MYH3: variants seen among roughly 807,000 people sequenced by gnomAD.
MYH3 encodes myosin heavy chain 3, also known as myosin-3.
MYH3 carries 130 observed loss-of-function variants against 238.0 expected under a neutral mutation model. That is an observed-to-expected ratio of 0.55 (90% CI 0.47 to 0.63). The LOEUF is 0.63. Among genes scored for constraint, MYH3 ranks in the 30% least tolerant of loss-of-function variants. The pLI, the probability that MYH3 is intolerant of heterozygous loss-of-function variation, is 0.00. For missense variants in MYH3, 1,853 were observed against 2,374.9 expected (o/e 0.78, Z 4.57); for synonymous variants, 880 against 924.1 (o/e 0.95, Z 0.86).
chr17:10,669,179 T>C, the MYH3 span, among the ~76,000 whole-genome samples: 1 of 152,146 alleles, frequency 6.6e-6, no homozygotes, highest in Admixed American at 6.6e-5. Flanking sequence ...TCTTTTAGGA[T>C]TACAGGACAA....
chr17:10,636,425 C>A (rs1233931645), intron 28 of MYH3, among the ~76,000 whole-genome samples: 1 of 152,032 alleles, frequency 6.6e-6, no homozygotes, highest in Non-Finnish European at 1.5e-5. Context: ...CATCAGACCT[C>A]CCCAGTGGCA....
chr17:10,638,053 G>A lies in MYH3; in HGVS notation c.3719C>T (p.Ser1240Leu), dbSNP rs551363957. 209 of 1,613,722 alleles carry A rather than the reference G, an allele frequency of 1.3e-4. 1 individual carries two copies. The South Asian group carries it at 1.7e-3, about 13-fold the overall frequency. Residue 1240 changes from serine (S) to leucine (L), a missense_variant, in exon 27 of 41, where the codon TCG becomes TTG. Physicochemically the swap from Ser to Leu is moderately radical, Grantham distance 145. Transcript: ENST00000583535. ...CACCCCGCGCAGCACCTTAGATTTCGACACACTCTCCATGCTGCTGGAGAG... is the reference window on the plus strand; with the variant it reads ...CACCCCGCGCAGCACCTTAGATTTCAACACACTCTCCATGCTGCTGGAGAG... The part of the protein sequence containing the change: ...DDLSSSMESV[S>L]KSKANLEKIC...
chr17:10,657,514 G>A (rs998361755), upstream of MYH3, among the ~76,000 whole-genome samples: 1 of 152,222 alleles, frequency 6.6e-6, no homozygotes, highest in Admixed American at 6.5e-5. Flanking sequence ...AATGTCAGGA[G>A]CTTGGGATGC....
chr17:10,649,784 T>A, intron 6 of MYH3, 99 bp from the exon 7 acceptor site: 1 of 1,038,630 alleles, frequency 9.6e-7, no homozygotes. Context: ...GTCTGAGCCA[T>A]CTCTGACACA....
upstream of MYH3, among the ~76,000 whole-genome samples, chr17:10,657,607 CCTCCGTTCTCAGGCGCTCA>C (rs2142437274): frequency 6.6e-6 from 1 of 152,302 alleles, no homozygotes; most frequent in Non-Finnish European, 1.5e-5. Context: ...GGGGCAGCCA[CCTCCGTTCTCAGGCGCTCA>C]TCACACCCTG....
At chr17:10,630,699 A>C (rs1287018529) in intron 36 of MYH3, among the ~76,000 whole-genome samples, 1 of 152,036 alleles carries the variant, frequency 6.6e-6, no homozygotes, top group African/African-American at 2.4e-5. Flanking sequence ...AAAATACAAA[A>C]AATTAGCTGG....
chr17:10,633,581 C>T lies in MYH3; in HGVS notation c.4647+10G>A. ...TGCATCTGCGCCTGAGCCTGCCTCCCAGCACTCACCTCTGCTTCCTCGAGA... is the reference window on the plus strand; with the variant it reads ...TGCATCTGCGCCTGAGCCTGCCTCCTAGCACTCACCTCTGCTTCCTCGAGA... On this transcript the variant is annotated intron_variant, in intron 33 of 40. Transcript: ENST00000583535. 5.0e-6 allele frequency: 8 copies of T among 1,612,498 alleles called. No homozygotes were observed. The highest frequency in any genetic ancestry group is 5.9e-6 in the Non-Finnish European group (7 of 1,179,876).
At chr17:10,653,587 C>A (rs1185326249) in intron 3 of MYH3, among the ~76,000 whole-genome samples, 1 of 152,132 alleles carries the variant, frequency 6.6e-6, no homozygotes, top group Non-Finnish European at 1.5e-5. Flanking sequence ...AGGACAAACC[C>A]CCACACCCTC....
rs750753412 is a variant in MYH3 at position 10,640,124 on chromosome 17, T to C, written c.2554A>G (p.Thr852Ala). Residue 852 changes from threonine (T) to alanine (A), a missense_variant, in exon 22 of 41, where the codon ACC (threonine) becomes GCC (alanine). Physicochemically the swap from Thr to Ala is moderately conservative, Grantham distance 58. Coordinates refer to ENST00000583535, the MANE Select transcript of MYH3 (RefSeq NM_002470.4). The stretch of plus-strand genomic sequence containing the variant: ...GTTTTCTGGAATTCTTCCTTCATGG[T>C]GGCCATCTCTTTCTCAGTCTCTGCA... ...KSAETEKEMATMKEEFQKTKD... is the reference protein window; with the variant it reads ...KSAETEKEMAAMKEEFQKTKD... 2.5e-6 allele frequency: 4 copies of C among 1,614,072 alleles called. No individual in the cohort carries two copies. The highest frequency in any genetic ancestry group is 1.7e-5 in the Admixed American group (1 of 60,004).
In MYH3 at chr17:10,631,719, G is replaced by A. The variant is rs1391758158; in HGVS notation, c.5178C>T (p.His1726=). The A allele has an allele frequency of 1.2e-6, 2 of 1,614,222 alleles. No individual in the cohort carries two copies. Among genetic ancestry groups the A allele is most frequent in the South Asian group, 1.1e-5 (1 of 91,084 alleles). ...LLHTQNTSLI[H]TKKKLETDLM... is the part of the protein sequence containing the mutation. ...GGTCTGTCTCCAGCTTCTTCTTGGT[G>A]TGGATGAGGCTGGTGTTCTAGGGCA... The change falls in exon 36 of 41, where the codon CAC becomes CAT. Residue 1726 remains histidine, a synonymous_variant. Transcript: ENST00000583535.
intron 28 of MYH3, among the ~76,000 whole-genome samples, chr17:10,636,231 G>C (rs1328263913): frequency 7.6e-6 from 1 of 131,978 alleles, no homozygotes; most frequent in East Asian, 2.3e-4. Context: ...TGAGGCAGGA[G>C]AATCACTGGA....
chr17:10,649,707 G>C, intron 6 of MYH3, 22 bp from the exon 7 acceptor site: 1 of 1,607,556 alleles, frequency 6.2e-7, no homozygotes, highest in Non-Finnish European at 8.5e-7. Flanking sequence ...GATCAAAAGA[G>C]AGAGAAAGAA....
chr17:10,655,153 C>G (rs989822940), intron 2 of MYH3, 81 bp from the exon 3 acceptor site: 3 of 1,147,998 alleles, frequency 2.6e-6, no homozygotes, highest in Non-Finnish European at 3.9e-6. Flanking sequence ...CAGCCTCCAC[C>G]CTGCCCTCCT....
rs746354516 is a variant in MYH3, at chr17:10,635,016, G to C, written c.4180C>G (p.Leu1394Val). 17 of 1,613,914 alleles carry C rather than the reference G, an allele frequency of 1.1e-5. No individual in the cohort carries two copies. The highest frequency in any genetic ancestry group is 1.4e-5 in the Non-Finnish European group (16 of 1,180,004). Residue 1394 changes from leucine to valine, a missense_variant, in exon 31 of 41, where the codon CTT (leucine) becomes GTT (valine). Physicochemically the swap from Leu to Val is conservative, Grantham distance 32. This residue lies in a region of MYH3 where 1,044 missense variants were observed against 1,192.6 expected (regional missense o/e 0.88). Transcript: ENST00000583535. ...TCGGAATCTTGAAGGCGCTGAGCAA[G>C]TTTTTTCCTTAAAGAATATGAAAGA... ...TEELEEAKKKLAQRLQDSEEQ... is the reference protein window; with the variant it reads ...TEELEEAKKKVAQRLQDSEEQ...
Position 10,633,660 on chromosome 17 carries a change from T to C in MYH3, c.4578A>G (p.Glu1526=). ...CAATCTGCTTTCTTGATTTCTCCAG[T>C]TCATGGATGGTTTTGCCATTTTCAG... ...QIAENGKTIH[E]LEKSRKQIEL... is the part of the protein sequence containing the mutation. Residue 1526 remains glutamate (E), a synonymous_variant, in exon 33 of 41, where the codon GAA becomes GAG. Coordinates refer to ENST00000583535, the MANE Select transcript of MYH3 (RefSeq NM_002470.4). The C allele has an allele frequency of 6.2e-7, 1 of 1,614,064 alleles. No individual in the cohort carries two copies. The highest frequency in any genetic ancestry group is 8.5e-7 in the Non-Finnish European group (1 of 1,179,990).
At position 10,638,979 on chromosome 17, in the gene MYH3, T is replaced by C; in HGVS notation, c.3249-16A>G. On this transcript the variant is annotated splice_polypyrimidine_tract_variant and intron_variant, in intron 25 of 40. Transcript: ENST00000583535. ...AAAATCTTTCCTGTGAAGAGAAATG[T>C]AGAATGCATGAAGACAAAATACACA... 3 of 1,614,118 alleles carry C rather than the reference T, an allele frequency of 1.9e-6. No homozygotes were observed. The highest frequency in any genetic ancestry group is 2.5e-6 in the Non-Finnish European group (3 of 1,179,948).
At chr17:10,666,471 G>A in the MYH3 span, among the ~76,000 whole-genome samples, 4 of 149,764 alleles carry the variant, frequency 2.7e-5, no homozygotes, top group Non-Finnish European at 5.9e-5. Context: ...CTACTTGGGA[G>A]TGGCTCATGC....
In MYH3 at chr17:10,639,555, A is replaced by T. The variant is rs563591410; in HGVS notation, c.2925+5T>A. 3.2e-5 allele frequency: 51 copies of T among 1,614,014 alleles called. No homozygotes were observed. The highest frequency in any genetic ancestry group is 4.2e-5 in the Non-Finnish European group (49 of 1,180,028). ...TCAAGCTAGACACACCTACAATAAG[A>T]ATACCTTGTTCTCTGTGGCATGCTT... On this transcript the variant is annotated splice_donor_5th_base_variant and intron_variant, in intron 23 of 40. Transcript: ENST00000583535.
At position 10,638,028 on chromosome 17, in the gene MYH3, C is replaced by T. The variant is rs185230952; in HGVS notation, c.3729+15G>A. ...CTGATGGAAAGCCTTGAGCCACCCC[C>T]ACCCCGCGCAGCACCTTAGATTTCG... On this transcript the variant is annotated intron_variant, in intron 27 of 40. Transcript: ENST00000583535. The T allele has an allele frequency of 6.4e-5, 103 of 1,614,022 alleles. 2 individuals are homozygous for T. The South Asian group carries it at 1.1e-3, about 17-fold the overall frequency.
Sources: gnomAD v4.1 joint callset for allele counts (sites outside exome capture counted in the v4.1 genomes callset) on GRCh38, gnomAD v4.1.1 for gene constraint, gnomAD v4.1.1 regional missense constraint, MANE v1.5 for transcripts, NCBI Gene and HGNC (gene_info 2026-07-23, HGNC 2026-07-21) for gene names.